The following MROH1 variants were observed in gnomAD, a reference collection of about 807,000 sequenced individuals.
MROH1 encodes maestro heat-like repeat-containing protein family member 1.
A neutral mutation model predicts 116.5 loss-of-function variants in MROH1; 117 were observed. The observed-to-expected ratio is 1.00, with a 90% CI of 0.86 to 1.17. MROH1 has a LOEUF of 1.17. Among genes scored for constraint, MROH1 ranks in the 50% most tolerant of loss-of-function variants. The probability of loss-of-function intolerance (pLI) is 0.00; values close to 1 mark genes in which losing one functional copy is unlikely to be tolerated. For synonymous variants in MROH1, 921 were observed against 583.9 expected, an observed-to-expected ratio of 1.58 and a Z score of -8.32; for missense variants, 1,873 against 1,338.5, an observed-to-expected ratio of 1.40 and a Z score of -6.23.
Position 144,182,956 on chromosome 8 carries a change from G to A in MROH1, c.562+2433G>A, listed in dbSNP as rs1826040622. Among the ~76,000 whole-genome samples the A allele has an allele frequency of 1.3e-5, 2 of 152,296 alleles. No homozygotes were observed. The highest frequency in any genetic ancestry group is 2.1e-4 in the South Asian group (1 of 4,826). On this transcript the variant is annotated intron_variant, in intron 7 of 43. Coordinates refer to ENST00000326134, the MANE Select transcript of MROH1 (RefSeq NM_032450.3). This position sits in a 1 kb window ranked among gnomAD's most constrained non-coding sequence, Gnocchi z 4.1. ...TAGCCGGGTGTGGTGGCGCATGTCT[G>A]TAATCCCTGATACTGTGGATGAGAC...
intron 14 of MROH1, among the ~76,000 whole-genome samples, chr8:144,227,446 A>T (rs2132530513): frequency 6.6e-6 from 1 of 151,582 alleles, no homozygotes; most frequent in South Asian, 2.1e-4. Flanking sequence ...GGAGTTCAAA[A>T]CCAGCCTGGA....
intron 14 of MROH1, among the ~76,000 whole-genome samples, chr8:144,227,870 T>G (rs890029677): frequency 7.2e-5 from 11 of 152,020 alleles, no homozygotes; most frequent in Non-Finnish European, 2.9e-5. Context: ...GGAGGATCAT[T>G]TGAGCCCAGG....
intron 12 of MROH1, chr8:144,213,265 G>T: frequency 1.6e-6 from 1 of 613,614 alleles, no homozygotes; most frequent in Non-Finnish European, 2.9e-6. Flanking sequence ...TTTCTCTGTA[G>T]GTTCCGTGGG....
intron 4 of MROH1, chr8:144,175,024 A>C: frequency 1.0e-6 from 1 of 985,480 alleles, no homozygotes; most frequent in South Asian, 4.7e-5. Flanking sequence ...ATTTCCCTCA[A>C]ACTTCCTCAT....
chr8:144,221,527 C>G (rs1836737918), intron 13 of MROH1, among the ~76,000 whole-genome samples: 2 of 151,934 alleles, frequency 1.3e-5, no homozygotes, highest in East Asian at 1.9e-4. Flanking sequence ...GGGGGCTGCT[C>G]CAGCCTTTGT....
Position 144,261,872 on chromosome 8 carries a change from G to T in MROH1, c.*132G>T, listed in dbSNP as rs1048186298. On this transcript the variant is annotated 3_prime_UTR_variant, in exon 44 of 44. Transcript: ENST00000326134. ...TGGCCCCAGAACAGGCACTGCTGGG[G>T]ACCAAACCCAAGCCCTTCAGTGAGG... is the stretch of plus-strand genomic sequence containing the variant. 1.9e-5 allele frequency: 13 copies of T among 682,020 alleles called. No homozygotes were observed. Among genetic ancestry groups the T allele is most frequent in the Non-Finnish European group, 3.5e-5 (13 of 376,202 alleles). The allele number at this position is 682,020 out of a possible 1,614,324, so 42.2% of individuals were successfully genotyped here.
At chr8:144,217,708 A>T (rs1368297013) in intron 12 of MROH1, among the ~76,000 whole-genome samples, 1 of 152,222 alleles carries the variant, frequency 6.6e-6, no homozygotes. Context: ...GCTTCAAGCG[A>T]TTCTTGCACC....
chr8:144,227,105 G>A (rs1036384989), intron 14 of MROH1, among the ~76,000 whole-genome samples: 7 of 152,154 alleles, frequency 4.6e-5, no homozygotes, highest in African/African-American at 1.7e-4. Context: ...TTAATTTTTA[G>A]ATATTGACCA....
In MROH1 at chr8:144,261,044, G is replaced by A. The variant is rs896417594; in HGVS notation, c.4671+3G>A. 72 of 771,552 alleles carry A rather than the reference G, an allele frequency of 9.3e-5. No homozygotes were observed. The African/African-American group carries it at 1.1e-3, about 11-fold the overall frequency. 47.8% of individuals were successfully genotyped at this position (771,552 alleles called of 1,614,324 possible). On this transcript the variant is annotated splice_donor_region_variant and intron_variant, in intron 41 of 43. Transcript: ENST00000326134. Reference sequence around the variant, plus strand: ...TCAACACCACCTGCAAGCACCTGGTGAGGGGTGGGGCCAGGCGGGGCGTGG... The same window carrying A: ...TCAACACCACCTGCAAGCACCTGGTAAGGGGTGGGGCCAGGCGGGGCGTGG...
At chr8:144,249,179 C>A in intron 32 of MROH1, 150 bp downstream of exon 32, 1 of 651,768 alleles carries the variant, frequency 1.5e-6, no homozygotes, top group South Asian at 1.7e-5. Flanking sequence ...CCTGGACCAC[C>A]CTGCCCAGCC....
chr8:144,167,134 A>T (rs935165300), intron 3 of MROH1, among the ~76,000 whole-genome samples: 1 of 151,926 alleles, frequency 6.6e-6, no homozygotes, highest in Non-Finnish European at 1.5e-5. Context: ...AGCAAAAGAG[A>T]GGGGACATCC....
chr8:144,157,578 A>T (rs1818459216), intron 1 of MROH1, among the ~76,000 whole-genome samples: 1 of 151,320 alleles, frequency 6.6e-6, no homozygotes, highest in Non-Finnish European at 1.5e-5. Context: ...TTCTTTTTAG[A>T]TATGGGACTA....
In MROH1 at chr8:144,247,611, A is replaced by G; in HGVS notation, c.3052A>G (p.Ser1018Gly). 1.3e-6 allele frequency: 1 copy of G among 771,384 alleles called. No individual in the cohort carries two copies. The allele number at this position is 771,384 out of a possible 1,614,324, so 47.8% of individuals were successfully genotyped here. A position where few individuals can be genotyped will look rare whatever the true frequency, so the allele number is the denominator to read the frequency against. Reference sequence around the variant, plus strand: ...CGATGACGTGGCGGAGCGGCTCCTCAGCCTCAAGGACGGCCTCGTGCACCC... The same window carrying G: ...CGATGACGTGGCGGAGCGGCTCCTCGGCCTCAAGGACGGCCTCGTGCACCC... ...YRDDVAERLL[S>G]LKDGLVHPDP... The change falls in exon 31 of 44, where the codon AGC (serine) becomes GGC (glycine). Residue 1018 changes from serine (S) to glycine (G), a missense_variant. Ser to Gly is a moderately conservative substitution (Grantham distance 56). Coordinates refer to ENST00000326134, the MANE Select transcript of MROH1 (RefSeq NM_032450.3).
chr8:144,158,122 A>C (rs1818633161), intron 1 of MROH1, among the ~76,000 whole-genome samples: 1 of 149,452 alleles, frequency 6.7e-6, no homozygotes, highest in Non-Finnish European at 1.5e-5. Context: ...CCTCCCAAGT[A>C]GCTGGGACTA....
At chr8:144,148,862 C>G (rs1389775906) in intron 1 of MROH1, 1 of 152,596 alleles carries the variant, frequency 6.6e-6, no homozygotes, top group Non-Finnish European at 1.5e-5. Context: ...GGGACAGACT[C>G]ATAAACTCAA....
At chr8:144,250,067 T>C in intron 32 of MROH1, 145 bp from the exon 33 acceptor site, 1 of 663,486 alleles carries the variant, frequency 1.5e-6, no homozygotes, top group Non-Finnish European at 2.7e-6. Context: ...CGGGGGATCC[T>C]GGCCCTACCT....
intron 7 of MROH1, among the ~76,000 whole-genome samples, chr8:144,183,380 CAAAA>C (rs556094390): frequency 3.7e-5 from 3 of 80,862 alleles, no homozygotes; most frequent in Non-Finnish European, 5.2e-5. Flanking sequence ...GACTCTGTCT[CAAAA>C]AAAAAAAAAA....
rs1588525097 is a variant in MROH1, at chr8:144,255,703, C to A, written c.3789C>A (p.Cys1263Ter). The A allele has an allele frequency of 1.3e-6, 1 of 754,214 alleles. No individual in the cohort carries two copies. The highest frequency in any genetic ancestry group is 2.5e-6 in the Non-Finnish European group (1 of 405,648). 46.7% of individuals were successfully genotyped at this position (754,214 alleles called of 1,614,324 possible). The change falls in exon 35 of 44, where the codon TGC becomes TGA. Residue 1263 changes from cysteine (C) to a stop codon, truncating the protein, a stop_gained and splice_region_variant. Transcript: ENST00000326134. LOFTEE classifies it high-confidence loss of function. ...TAGCCACCAGGAACCTGGAACCCTG[C>A]AGGTATCTGGGTCCCCACTTCCCAC... The part of the protein sequence containing the change: ...PALATRNLEP[C>*]SSAVDTLRSM...
At chr8:144,195,105 G>A (rs1157208166) in intron 10 of MROH1, among the ~76,000 whole-genome samples, 2 of 149,412 alleles carry the variant, frequency 1.3e-5, no homozygotes, top group African/African-American at 4.9e-5. Flanking sequence ...TGAGGTGGGA[G>A]GATCGCTTGA....
Sources: gnomAD v4.1 joint callset for allele counts (sites outside exome capture counted in the v4.1 genomes callset) on GRCh38, gnomAD v4.1.1 for gene constraint, Gnocchi (gnomAD v3.1) non-coding constraint, MANE v1.5 for transcripts, NCBI Gene and HGNC (gene_info 2026-07-23, HGNC 2026-07-21) for gene names.